CCSER1: variants seen among roughly 807,000 people sequenced by gnomAD.
The protein encoded by CCSER1 is coiled-coil serine rich protein 1.
CCSER1 carries 41 observed loss-of-function variants against 82.0 expected under a neutral mutation model. The ratio of observed to expected loss-of-function variants is 0.50; its 90% CI spans 0.39 to 0.65. The LOEUF (loss-of-function observed/expected upper bound fraction) is 0.65, where lower values mean the gene tolerates loss of function less well. CCSER1 is among the 30% of genes least tolerant of loss of function. CCSER1 has a pLI of 0.00. For synonymous variants in CCSER1, 414 were observed against 383.9 expected, an observed-to-expected ratio of 1.08 and a Z score of -0.92; for missense variants, 1,119 against 1,064.2, an observed-to-expected ratio of 1.05 and a Z score of -0.72.
At chr4:91,094,026 G>A (rs551897807) in intron 10 of CCSER1, among the ~76,000 whole-genome samples, 15 of 152,318 alleles carry the variant, frequency 9.8e-5, no homozygotes, top group African/African-American at 2.9e-4. Flanking sequence ...CCCAGGTAGC[G>A]TACCTGCTGT....
At chr4:91,092,032 A>T (rs1337322746) in intron 10 of CCSER1, among the ~76,000 whole-genome samples, 2 of 152,070 alleles carry the variant, frequency 1.3e-5, no homozygotes, top group African/African-American at 2.4e-5. Flanking sequence ...TCATAAGGGG[A>T]GTATCCTGTT....
chr4:90,529,852 T>C (rs1774272532), intron 5 of CCSER1, among the ~76,000 whole-genome samples: 1 of 151,882 alleles, frequency 6.6e-6, no homozygotes, highest in African/African-American at 2.4e-5. Context: ...AACGTTGCTC[T>C]ATTAAGTAAA....
chr4:90,142,899 T>C (rs908210090), intron 1 of CCSER1, among the ~76,000 whole-genome samples: 9 of 152,202 alleles, frequency 5.9e-5, no homozygotes, highest in Admixed American at 2.6e-4. Flanking sequence ...TATTTTTTTA[T>C]TATCCCTGTT....
chr4:91,282,913 AT>A (rs1225400485), intron 10 of CCSER1, among the ~76,000 whole-genome samples: 8 of 152,106 alleles, frequency 5.3e-5, no homozygotes, highest in Non-Finnish European at 1.2e-4. Context: ...AAAAATGGAA[AT>A]AATAATAAAA....
At chr4:90,799,724 G>T (rs1756534102) in intron 7 of CCSER1, among the ~76,000 whole-genome samples, 1 of 152,118 alleles carries the variant, frequency 6.6e-6, no homozygotes, top group Non-Finnish European at 1.5e-5. Context: ...TCAAACCAAG[G>T]GGGTGGCTAT....
intron 10 of CCSER1, chr4:91,325,161 T>A (rs1402123529): frequency 2.2e-6 from 1 of 456,056 alleles, no homozygotes; most frequent in Non-Finnish European, 4.4e-6. Flanking sequence ...GTGGTCCTCT[T>A]TTTCTGTCTT....
At chr4:91,446,621 A>G (rs1056113238) in intron 10 of CCSER1, among the ~76,000 whole-genome samples, 1 of 148,708 alleles carries the variant, frequency 6.7e-6, no homozygotes, top group Non-Finnish European at 1.5e-5. Context: ...GTAGTAATGA[A>G]TATGTAATGT....
intron 8 of CCSER1, among the ~76,000 whole-genome samples, chr4:90,900,297 G>A (rs1253034634): frequency 6.6e-6 from 1 of 151,480 alleles, no homozygotes; most frequent in Non-Finnish European, 1.5e-5. Context: ...GTATTTCTGT[G>A]GTATCAGTTG....
intron 1 of CCSER1, among the ~76,000 whole-genome samples, chr4:90,242,231 T>C (rs533810648): frequency 2.0e-4 from 31 of 152,276 alleles, no homozygotes; most frequent in African/African-American, 5.3e-4. Context: ...CATCTGAGCA[T>C]GGGAGACGGA....
At chr4:90,803,378 C>G (rs548920471) in intron 7 of CCSER1, among the ~76,000 whole-genome samples, 2 of 151,828 alleles carry the variant, frequency 1.3e-5, no homozygotes, top group Admixed American at 6.6e-5. Context: ...CACCCCCTGA[C>G]AGGCCTTGCT....
chr4:90,915,057 C>T (rs974123635), intron 8 of CCSER1, among the ~76,000 whole-genome samples: 11 of 152,040 alleles, frequency 7.2e-5, no homozygotes, highest in Non-Finnish European at 1.2e-4. Flanking sequence ...CTGGACCAGA[C>T]GGATTCACAG....
At chr4:90,605,034 T>G (rs1158321524) in intron 5 of CCSER1, among the ~76,000 whole-genome samples, 1 of 152,126 alleles carries the variant, frequency 6.6e-6, no homozygotes, top group African/African-American at 2.4e-5. Context: ...GTTCTTTGGC[T>G]GTTGGCAGTA....
At chr4:90,235,906 C>T (rs562427122) in intron 1 of CCSER1, among the ~76,000 whole-genome samples, 37 of 152,140 alleles carry the variant, frequency 2.4e-4, no homozygotes, top group African/African-American at 8.9e-4. Flanking sequence ...AAACAGCATT[C>T]AAATTTACAA....
chr4:90,155,452 T>G, intron 1 of CCSER1, among the ~76,000 whole-genome samples: 1 of 152,336 alleles, frequency 6.6e-6, no homozygotes, highest in East Asian at 1.9e-4. Context: ...TCAGAAGGAA[T>G]GGTACCAGTT....
chr4:91,351,812 GA>G (rs1263515411), intron 10 of CCSER1, among the ~76,000 whole-genome samples: 1 of 151,794 alleles, frequency 6.6e-6, no homozygotes, highest in Non-Finnish European at 1.5e-5. Flanking sequence ...ATTTTAAAGG[GA>G]AAATATTCAT....
intron 3 of CCSER1, among the ~76,000 whole-genome samples, chr4:90,318,176 T>C (rs921367691): frequency 3.3e-5 from 5 of 152,240 alleles, no homozygotes; most frequent in African/African-American, 1.2e-4. Flanking sequence ...GAAGAATTCA[T>C]ATATACTACA....
intron 3 of CCSER1, among the ~76,000 whole-genome samples, chr4:90,347,551 T>G (rs1742589910): frequency 6.6e-6 from 1 of 152,184 alleles, no homozygotes; most frequent in African/African-American, 2.4e-5. Flanking sequence ...TATCTCACCC[T>G]GACCTTCCCA....
intron 5 of CCSER1, among the ~76,000 whole-genome samples, chr4:90,528,480 C>T (rs1011497962): frequency 1.3e-5 from 2 of 152,132 alleles, no homozygotes; most frequent in Non-Finnish European, 2.9e-5. Flanking sequence ...CTTTGGTGGA[C>T]TCAGTTTGAT....
intron 9 of CCSER1, among the ~76,000 whole-genome samples, chr4:90,989,201 G>A (rs1736823264): frequency 6.6e-6 from 1 of 151,712 alleles, no homozygotes; most frequent in Admixed American, 6.6e-5. Context: ...TTTACACCTT[G>A]TAACAGAGAA....
Sources: gnomAD v4.1 joint callset for allele counts (sites outside exome capture counted in the v4.1 genomes callset) on GRCh38, gnomAD v4.1.1 for gene constraint, MANE v1.5 for transcripts, NCBI Gene and HGNC (gene_info 2026-07-23, HGNC 2026-07-21) for gene names.